CYP4B1: variants seen among roughly 807,000 people sequenced by gnomAD.
The protein encoded by CYP4B1 is cytochrome P450 4B1.
CYP4B1 carries 45 observed loss-of-function variants against 54.0 expected under a neutral mutation model. The observed-to-expected ratio is 0.83, with a 90% CI of 0.66 to 1.07. The LOEUF is 1.07. Ranked by LOEUF, CYP4B1 falls within the 50% of genes least tolerant of loss-of-function variation. CYP4B1 has a pLI of 0.00. For synonymous variants in CYP4B1, 248 were observed against 247.5 expected (o/e 1.00, Z -0.02); for missense variants, 656 against 655.4 (o/e 1.00, Z -0.01).
intron 1 of CYP4B1, among the ~76,000 whole-genome samples, chr1:46,800,298 C>CTCCCTCCCTTCTTTCT (rs1553130204): frequency 1.1e-5 from 1 of 87,928 alleles, no homozygotes. Flanking sequence ...TCCTTCCTTC[C>CTCCCTCCCTTCTTTCT]TTCTTTCCTT....
chr1:46,801,927 G>T (rs1262374878), intron 1 of CYP4B1, among the ~76,000 whole-genome samples: 3 of 152,186 alleles, frequency 2.0e-5, no homozygotes, highest in Non-Finnish European at 4.4e-5. Flanking sequence ...TAAAGGGACT[G>T]GGGGCAGGGA....
At chr1:46,817,723 C>A (rs1411903602) in intron 9 of CYP4B1, among the ~76,000 whole-genome samples, 1 of 152,196 alleles carries the variant, frequency 6.6e-6, no homozygotes, top group Non-Finnish European at 1.5e-5. Flanking sequence ...TCATTCTCCC[C>A]TTTATTCATC....
At chr1:46,808,260 A>C (rs925076095) in intron 1 of CYP4B1, among the ~76,000 whole-genome samples, 7 of 152,144 alleles carry the variant, frequency 4.6e-5, no homozygotes, top group African/African-American at 1.7e-4. Context: ...CAGTCCCACC[A>C]ACAGTGTAAA....
intron 9 of CYP4B1, among the ~76,000 whole-genome samples, chr1:46,817,529 C>A (rs1342290027): frequency 2.6e-5 from 4 of 152,172 alleles, no homozygotes; most frequent in African/African-American, 9.7e-5. Flanking sequence ...CAGTGTGCAA[C>A]CTGCACAACT....
At chr1:46,815,378 C>A in intron 8 of CYP4B1, 114 bp downstream of exon 8, 1 of 991,172 alleles carries the variant, frequency 1.0e-6, no homozygotes, top group Non-Finnish European at 1.4e-6. Flanking sequence ...ATCCTGTTAC[C>A]CCCAGTGTCA....
At position 46,800,279 on chromosome 1, in the gene CYP4B1, TTCCTTCCTTCCTTCC is replaced by T. The variant is rs1678594479; in HGVS notation, c.180+1020_180+1034del. On this transcript the variant is annotated intron_variant, in intron 1 of 11. Coordinates refer to ENST00000371923, the MANE Select transcript of CYP4B1 (RefSeq NM_001099772.2). ...CTTCCTTCCTTCCTTCCTTCCTTCC[TTCCTTCCTTCCTTCC>T]TTCCTTCTTTCCTTCCTTCTCTTTC... Among the ~76,000 whole-genome samples the T allele has an allele frequency of 3.8e-5, 5 of 130,132 alleles. 1 individual carries two copies. Among genetic ancestry groups the T allele is most frequent in the Admixed American group, 8.3e-5 (1 of 12,014 alleles). The allele number at this position is 130,132 out of a possible 152,430, so 85.4% of individuals were successfully genotyped here.
In CYP4B1 at chr1:46,818,013, T is replaced by C. The variant is rs1679404980; in HGVS notation, c.1256T>C (p.Val419Ala). The C allele has an allele frequency of 6.2e-7, 1 of 1,614,174 alleles. No individual in the cohort carries two copies. The highest frequency in any genetic ancestry group is 8.5e-7 in the Non-Finnish European group (1 of 1,180,004). Residue 419 changes from valine to alanine, a missense_variant, in exon 10 of 12, where the codon GTA becomes GCA. Transcript: ENST00000371923. The stretch of plus-strand genomic sequence containing the variant: ...TATGCCCTCCATAGGAACAGTGCTG[T>C]ATGGCCCGACCCTGAGGTACCCTTT... The part of the protein sequence containing the change: ...HIYALHRNSA[V>A]WPDPEVFDSL...
At position 46,810,877 on chromosome 1, in the gene CYP4B1, T is replaced by C; in HGVS notation, c.250T>C (p.Trp84Arg). The change falls in exon 2 of 12, where the codon TGG (tryptophan) becomes CGG (arginine). Residue 84 changes from tryptophan to arginine, a missense_variant. Trp to Arg is a moderately radical substitution (Grantham distance 101). Coordinates refer to ENST00000371923, the MANE Select transcript of CYP4B1 (RefSeq NM_001099772.2). ...CCAGTTCCCGTATGCCCACCCACTC[T>C]GGTTCGGACAGTTCATTGGCTTCCT... ...AHQFPYAHPL[W>R]FGQFIGFLNI... 1 of 1,614,124 alleles carries C rather than the reference T, an allele frequency of 6.2e-7. No homozygotes were observed. The highest frequency in any genetic ancestry group is 8.5e-7 in the Non-Finnish European group (1 of 1,179,996).
Position 46,818,164 on chromosome 1 carries a change from G to A in CYP4B1, c.1306G>A (p.Ala436Thr). 1 of 1,614,170 alleles carries A rather than the reference G, an allele frequency of 6.2e-7. No individual in the cohort carries two copies. The highest frequency in any genetic ancestry group is 8.5e-7 in the Non-Finnish European group (1 of 1,180,010). Residue 436 changes from alanine to threonine, a missense_variant, in exon 11 of 12, where the codon GCA (alanine) becomes ACA (threonine). By Grantham distance (58) the Ala-to-Thr change is moderately conservative. Transcript: ENST00000371923. Reference sequence around the variant, plus strand: ...CTCTCTGCGCTTTTCCACTGAGAATGCATCCAAACGCCATCCCTTTGCCTT... The same window carrying A: ...CTCTCTGCGCTTTTCCACTGAGAATACATCCAAACGCCATCCCTTTGCCTT... ...FDSLRFSTEN[A>T]SKRHPFAFMP...
chr1:46,800,263 T>C (rs1437192982), intron 1 of CYP4B1, among the ~76,000 whole-genome samples: 567 of 115,944 alleles, frequency 4.9e-3, no homozygotes, highest in East Asian at 0.01. Context: ...CCTTCCTTCC[T>C]TCCTTCCTTC....
chr1:46,803,892 A>G (rs2148396711), intron 1 of CYP4B1, among the ~76,000 whole-genome samples: 1 of 152,268 alleles, frequency 6.6e-6, no homozygotes, highest in East Asian at 1.9e-4. Context: ...CAGGTTCAGT[A>G]GGAGAGGCAG....
At chr1:46,805,472 A>G (rs1196080520) in intron 1 of CYP4B1, among the ~76,000 whole-genome samples, 1 of 152,158 alleles carries the variant, frequency 6.6e-6, no homozygotes, top group Non-Finnish European at 1.5e-5. Flanking sequence ...TGCTCCTTCT[A>G]TTGAGCTAGG....
chr1:46,800,253 C>T (rs1557484867), intron 1 of CYP4B1, among the ~76,000 whole-genome samples: 298 of 80,364 alleles, frequency 3.7e-3, no homozygotes, highest in Middle Eastern at 5.7e-3. Flanking sequence ...TTCCTTCCTT[C>T]CTTCCTTCCT....
At chr1:46,800,673 C>T (rs1376750103) in intron 1 of CYP4B1, among the ~76,000 whole-genome samples, 1 of 152,154 alleles carries the variant, frequency 6.6e-6, no homozygotes, top group African/African-American at 2.4e-5. Context: ...AGTTCCTTCT[C>T]CTACCTTCTG....
At position 46,799,086 on chromosome 1, in the gene CYP4B1, T is replaced by C. The variant is rs1480230308; in HGVS notation, c.5T>C (p.Val2Ala). The C allele has an allele frequency of 5.6e-6, 9 of 1,613,882 alleles. No homozygotes were observed. The highest frequency in any genetic ancestry group is 7.6e-6 in the Non-Finnish European group (9 of 1,179,930). ...TAGGTGGCTGGAACTGCAACCATGGTGCCCAGCTTCCTCTCCCTGAGCTTC... is the reference window on the plus strand; with the variant it reads ...TAGGTGGCTGGAACTGCAACCATGGCGCCCAGCTTCCTCTCCCTGAGCTTC... MVPSFLSLSFSS... is the reference protein window; with the variant it reads MAPSFLSLSFSS... The change falls in exon 1 of 12, where the codon GTG becomes GCG. Residue 2 changes from valine (V) to alanine (A), a missense_variant. By Grantham distance (64) the Val-to-Ala change is moderately conservative (BLOSUM62 0). Transcript: ENST00000371923.
At chr1:46,800,216 TC>T (rs376030253) in intron 1 of CYP4B1, among the ~76,000 whole-genome samples, 6 of 7,202 alleles carry the variant, frequency 8.3e-4, no homozygotes, top group Admixed American at 3.3e-3. Context: ...TCTTTCTTTC[TC>T]TTTCTCTCTT....
intron 1 of CYP4B1, among the ~76,000 whole-genome samples, chr1:46,801,388 C>T (rs751473715): frequency 3.9e-5 from 6 of 152,178 alleles, no homozygotes; most frequent in Admixed American, 1.3e-4. Flanking sequence ...AGGACAGGGA[C>T]CTTGCACCCC....
chr1:46,799,335 A>AG, intron 1 of CYP4B1, 74 bp downstream of exon 1: 1 of 1,404,786 alleles, frequency 7.1e-7, no homozygotes, highest in Non-Finnish European at 9.7e-7. Flanking sequence ...CCTAATTCCC[A>AG]GGGGGCTGTG....
intron 3 of CYP4B1, among the ~76,000 whole-genome samples, chr1:46,811,924 C>T (rs1057422018): frequency 6.6e-6 from 1 of 152,130 alleles, no homozygotes; most frequent in African/African-American, 2.4e-5. Flanking sequence ...TTGCTTCTAA[C>T]CCTCTTTTTA....
Sources: gnomAD v4.1 joint callset for allele counts (sites outside exome capture counted in the v4.1 genomes callset) on GRCh38, gnomAD v4.1.1 for gene constraint, MANE v1.5 for transcripts, NCBI Gene and HGNC (gene_info 2026-07-23, HGNC 2026-07-21) for gene names.